Variants in HACD4 observed in about 807,000 individuals in gnomAD.
HACD4 encodes the protein 3-hydroxyacyl-CoA dehydratase 4, also known as very-long-chain (3R)-3-hydroxyacyl-CoA dehydratase 4.
In HACD4, 35 loss-of-function variants were observed where a neutral mutation model predicts 33.3. The observed-to-expected ratio is 1.05, with a 90% confidence interval of 0.80 to 1.39. The LOEUF is 1.39. Among genes scored for constraint, HACD4 ranks in the 40% most tolerant of loss-of-function variants. The pLI, the probability that HACD4 is intolerant of heterozygous loss-of-function variation, is 0.00. For missense variants in HACD4, 323 were observed against 276.5 expected, an observed-to-expected ratio of 1.17 and a Z score of -1.19; for synonymous variants, 118 against 98.0, an observed-to-expected ratio of 1.20 and a Z score of -1.21.
intron 3 of HACD4, among the ~76,000 whole-genome samples, chr9:21,023,822 G>T (rs920779715): frequency 6.6e-6 from 1 of 152,044 alleles, no homozygotes; most frequent in African/African-American, 2.4e-5. Context: ...TGATCCGACC[G>T]CCTCAGCCTC....
chr9:21,026,786 A>G (rs1818073541), intron 2 of HACD4, 63 bp from the exon 3 acceptor site: 2 of 1,396,302 alleles, frequency 1.4e-6, no homozygotes, highest in South Asian at 2.4e-5. Flanking sequence ...ACCCAAATTT[A>G]TGCAGCACTT....
At chr9:21,026,842 G>T in intron 2 of HACD4, 119 bp from the exon 3 acceptor site, 1 of 789,414 alleles carries the variant, frequency 1.3e-6, no homozygotes, top group Non-Finnish European at 2.0e-6. Flanking sequence ...TTGTACATGT[G>T]AAAAATTCCT....
intron 3 of HACD4, among the ~76,000 whole-genome samples, chr9:21,025,167 C>T (rs1312471808): frequency 2.0e-5 from 3 of 152,098 alleles, no homozygotes; most frequent in Non-Finnish European, 4.4e-5. Context: ...ATTACCCTAA[C>T]TTTTATTTTA....
rs2132765147 is a variant in HACD4, at chr9:21,006,821, G to A, written c.*216C>T. ...AAATCCAAATGAAGCAGGAATTTTG[G>A]TGAAGCAGGGTATGGAGAATATATA... On this transcript the variant is annotated 3_prime_UTR_variant, in exon 7 of 7. Coordinates refer to ENST00000495827, the MANE Select transcript of HACD4 (RefSeq NM_001010915.5). This position sits in a 1 kb window ranked among gnomAD's most constrained non-coding sequence, Gnocchi z 4.6. 2 of 502,440 alleles carry A rather than the reference G, an allele frequency of 4.0e-6. No individual in the cohort carries two copies. Among genetic ancestry groups the A allele is most frequent in the East Asian group, 3.7e-5 (1 of 27,118 alleles). 31.1% of individuals were successfully genotyped at this position (502,440 alleles called of 1,614,324 possible).
chr9:21,013,401 C>T (rs960011748), intron 4 of HACD4, among the ~76,000 whole-genome samples: 2 of 152,176 alleles, frequency 1.3e-5, no homozygotes, highest in African/African-American at 4.8e-5. Context: ...CAGTACCACA[C>T]TTAATTATTG....
In HACD4 at chr9:21,002,691, A is replaced by G. The variant is rs563164314; in HGVS notation, c.*4346T>C. ...ACTACTACTGAACTGCACACTTAAA[A>G]AGGAATAAGATAGTATATTTTACAT... On this transcript the variant is annotated 3_prime_UTR_variant, in exon 7 of 7. Transcript: ENST00000495827. 46 of 152,290 alleles carry G rather than the reference A, an allele frequency of 3.0e-4. No individual in the cohort carries two copies. Among genetic ancestry groups the G allele is most frequent in the African/African-American group, 1.1e-3 (44 of 41,574 alleles). 9.4% of individuals were successfully genotyped at this position (152,290 alleles called of 1,614,324 possible).
At position 21,005,823 on chromosome 9, in the gene HACD4, G is replaced by GT; in HGVS notation, c.*1213dup. 6.6e-6 allele frequency: 1 copy of GT among 152,404 alleles called. No individual in the cohort carries two copies. The highest frequency in any genetic ancestry group is 3.4e-3 in the Middle Eastern group (1 of 294). 9.4% of individuals were successfully genotyped at this position (152,404 alleles called of 1,614,324 possible). A position where few individuals can be genotyped will look rare whatever the true frequency, so the allele number is the denominator to read the frequency against. On this transcript the variant is annotated 3_prime_UTR_variant, in exon 7 of 7. Coordinates refer to ENST00000495827, the MANE Select transcript of HACD4 (RefSeq NM_001010915.5). This position sits in a 1 kb window ranked among gnomAD's most constrained non-coding sequence, Gnocchi z 4.0. ...GATCTCATGGTGTTTGCCTTGCTAGGTTTTGGACTTGCTGGGGACCCATTA... is the reference window on the plus strand; with the variant it reads ...GATCTCATGGTGTTTGCCTTGCTAGGTTTTTGGACTTGCTGGGGACCCATTA...
Position 21,001,617 on chromosome 9 carries a change from T to C in HACD4, c.*5420A>G, listed in dbSNP as rs1842166987. The C allele has an allele frequency of 6.6e-6, 1 of 152,108 alleles. No homozygotes were observed. The highest frequency in any genetic ancestry group is 1.5e-5 in the Non-Finnish European group (1 of 67,976). The allele number at this position is 152,108 out of a possible 1,614,324, so 9.4% of individuals were successfully genotyped here. A position where few individuals can be genotyped will look rare whatever the true frequency, so the allele number is the denominator to read the frequency against. ...AAAGACAGAAAGAGAATCTTGAAAG[T>C]AGCATGAAAAAATCAATTCATCACA... is the stretch of plus-strand genomic sequence containing the variant. On this transcript the variant is annotated 3_prime_UTR_variant, in exon 7 of 7. Transcript: ENST00000495827.
At position 21,011,655 on chromosome 9, in the gene HACD4, C is replaced by G; in HGVS notation, c.424G>C (p.Ala142Pro). The change falls in exon 5 of 7, where the codon GCT becomes CCT. Residue 142 changes from alanine to proline, a missense_variant. By Grantham distance (27) the Ala-to-Pro change is conservative (BLOSUM62 -1). Transcript: ENST00000495827. ...SMLSVIGISY[A>P]VLTWLSQTLW... ...GTTTGACTGAGCCATGTCAAGACAG[C>G]ATAGGATATTCCTATGACTGATAAC... The G allele has an allele frequency of 6.2e-7, 1 of 1,610,520 alleles. No individual in the cohort carries two copies. The highest frequency in any genetic ancestry group is 8.5e-7 in the Non-Finnish European group (1 of 1,177,180).
rs1842139167 is a variant in HACD4 at position 20,999,794 on chromosome 9, G to A, written c.*7243C>T. 1 of 152,032 alleles carries A rather than the reference G, an allele frequency of 6.6e-6. No individual in the cohort carries two copies. The highest frequency in any genetic ancestry group is 1.5e-5 in the Non-Finnish European group (1 of 68,014). 9.4% of individuals were successfully genotyped at this position (152,032 alleles called of 1,614,324 possible). On this transcript the variant is annotated 3_prime_UTR_variant, in exon 7 of 7. Transcript: ENST00000495827. Reference sequence around the variant, plus strand: ...TATGTGCCACTATACAAGTTTCTGGGGTACAATCTGAACAAAACGTGTCAT... The same window carrying A: ...TATGTGCCACTATACAAGTTTCTGGAGTACAATCTGAACAAAACGTGTCAT...
At chr9:21,007,201 A>G in intron 6 of HACD4, 82 bp from the exon 7 acceptor site, 1 of 774,834 alleles carries the variant, frequency 1.3e-6, no homozygotes, top group Non-Finnish European at 2.3e-6. Context: ...ATACAGTCAG[A>G]GTGCTGCCCA....
intron 4 of HACD4, among the ~76,000 whole-genome samples, chr9:21,014,508 T>C (rs752286616): frequency 5.3e-5 from 8 of 152,126 alleles, no homozygotes; most frequent in African/African-American, 9.7e-5. Context: ...CTTTCCAGGA[T>C]AGGCAATCCA....
At chr9:21,010,443 C>G (rs1842385052) in intron 5 of HACD4, among the ~76,000 whole-genome samples, 1 of 112,706 alleles carries the variant, frequency 8.9e-6, no homozygotes, top group South Asian at 3.4e-4. Context: ...GAAACAGACT[C>G]AGACATCCTG....
At position 21,011,639 on chromosome 9, in the gene HACD4, A is replaced by C. The variant is rs565086824; in HGVS notation, c.440T>G (p.Leu147Arg). The change falls in exon 5 of 7, where the codon CTC (leucine) becomes CGC (arginine). Residue 147 changes from leucine to arginine, a missense_variant. By Grantham distance (102) the Leu-to-Arg change is moderately radical. Transcript: ENST00000495827. ...AATTGGCATCCATAGTGTTTGACTG[A>C]GCCATGTCAAGACAGCATAGGATAT... The part of the protein sequence containing the change: ...IGISYAVLTW[L>R]SQTLWMPIYP... 1.2e-6 allele frequency: 2 copies of C among 1,612,264 alleles called. No individual in the cohort carries two copies. Among genetic ancestry groups the C allele is most frequent in the South Asian group, 1.1e-5 (1 of 91,000 alleles).
chr9:21,017,401 T>A (rs1389794714), intron 3 of HACD4, among the ~76,000 whole-genome samples: 1 of 151,230 alleles, frequency 6.6e-6, no homozygotes, highest in Non-Finnish European at 1.5e-5. Context: ...TAGCTGTTTT[T>A]CTTTTTTCAG....
intron 5 of HACD4, among the ~76,000 whole-genome samples, chr9:21,008,482 G>A (rs914308680): frequency 1.7e-4 from 26 of 152,054 alleles, no homozygotes; most frequent in African/African-American, 6.3e-4. Context: ...TTGGAAAATG[G>A]TGCATATATT....
rs749871676 is a variant in HACD4 at position 21,007,016 on chromosome 9, G to C, written c.*21C>G. On this transcript the variant is annotated 3_prime_UTR_variant, in exon 7 of 7. Transcript: ENST00000495827. The stretch of plus-strand genomic sequence containing the variant: ...GAATCCACAGCCTGTCTTTTCTCGT[G>C]TCACACTGGAATGCTGTACTTCACA... 1 of 1,365,320 alleles carries C rather than the reference G, an allele frequency of 7.3e-7. No homozygotes were observed. The highest frequency in any genetic ancestry group is 1.7e-5 in the Admixed American group (1 of 59,600). 84.6% of individuals were successfully genotyped at this position (1,365,320 alleles called of 1,614,324 possible). A position where few individuals can be genotyped will look rare whatever the true frequency, so the allele number is the denominator to read the frequency against.
rs776212615 is a variant in HACD4 at position 21,004,761 on chromosome 9, G to C, written c.*2276C>G. 4 of 152,224 alleles carry C rather than the reference G, an allele frequency of 2.6e-5. No individual in the cohort carries two copies. The highest frequency in any genetic ancestry group is 4.4e-5 in the Non-Finnish European group (3 of 68,066). 9.4% of individuals were successfully genotyped at this position (152,224 alleles called of 1,614,324 possible). A position where few individuals can be genotyped will look rare whatever the true frequency, so the allele number is the denominator to read the frequency against. ...AATTAGTACCAAGAAGTGTGGTGATGCTATAACCAATATATAAAGATGTGG... is the reference window on the plus strand; with the variant it reads ...AATTAGTACCAAGAAGTGTGGTGATCCTATAACCAATATATAAAGATGTGG... On this transcript the variant is annotated 3_prime_UTR_variant, in exon 7 of 7. Transcript: ENST00000495827. This position sits in a 1 kb window ranked among gnomAD's most constrained non-coding sequence, Gnocchi z 4.6.
intron 3 of HACD4, 73 bp downstream of exon 3, chr9:21,026,523 G>T: frequency 7.7e-7 from 1 of 1,293,218 alleles, no homozygotes; most frequent in Non-Finnish European, 1.1e-6. Flanking sequence ...CTGCCATAAA[G>T]TCAAGAGAAG....
Sources: allele counts gnomAD v4.1 joint callset (sites outside exome capture counted in the v4.1 genomes callset), GRCh38; gene constraint gnomAD v4.1.1; non-coding constraint Gnocchi (gnomAD v3.1); transcripts MANE v1.5; gene names NCBI Gene and HGNC (gene_info 2026-07-23, HGNC 2026-07-21).